The following LARGE1 variants were observed in gnomAD, a reference collection of about 807,000 sequenced individuals.
LARGE1 encodes the protein xylosyl- and glucuronyltransferase LARGE1.
Under a neutral mutation model 87.6 loss-of-function variants are expected in LARGE1, and 43 were observed. The ratio of observed to expected loss-of-function variants is 0.49; its 90% CI spans 0.38 to 0.63. LARGE1 has a LOEUF of 0.63. Ranked by LOEUF, LARGE1 falls within the 30% of genes least tolerant of loss-of-function variation. The probability of loss-of-function intolerance (pLI) is 0.00; values close to 1 mark genes in which losing one functional copy is unlikely to be tolerated. For missense variants in LARGE1, 802 were observed against 1,000.2 expected, an observed-to-expected ratio of 0.80 and a Z score of 2.67; for synonymous variants, 434 against 394.6, an observed-to-expected ratio of 1.10 and a Z score of -1.18.
At chr22:33,813,452 G>A (rs1328214592) in intron 1 of LARGE1, among the ~76,000 whole-genome samples, 2 of 151,986 alleles carry the variant, frequency 1.3e-5, no homozygotes, top group African/African-American at 4.8e-5. Flanking sequence ...TCTTGGTGGA[G>A]GACAGATGTG....
chr22:33,222,357 C>T lies in LARGE1; in HGVS notation c.1731-55525G>A, dbSNP rs1157730024. Reference sequence around the variant, plus strand: ...GGTCTGCACTGCTGAGAAAGAAGGGCCTTGGGGGAGAGCATTTATCCTCCA... The same window carrying T: ...GGTCTGCACTGCTGAGAAAGAAGGGTCTTGGGGGAGAGCATTTATCCTCCA... On this transcript the variant is annotated intron_variant, in intron 11 of 11. Coordinates refer to the LARGE1 transcript ENST00000608642. Among the ~76,000 whole-genome samples, 5 of 152,072 alleles carry T rather than the reference C, an allele frequency of 3.3e-5. No individual in the cohort carries two copies. In the East Asian group the frequency reaches 7.7e-4, roughly 23 times the overall value.
chr22:33,443,758 T>C (rs1267951728), intron 6 of LARGE1, among the ~76,000 whole-genome samples: 2 of 152,240 alleles, frequency 1.3e-5, no homozygotes, highest in Admixed American at 6.5e-5. Context: ...AATAATGATT[T>C]TTCTCTTCTT....
chr22:33,228,446 C>G (rs374458978), intron 11 of LARGE1, among the ~76,000 whole-genome samples: 6 of 152,180 alleles, frequency 3.9e-5, no homozygotes, highest in Admixed American at 1.3e-4. Context: ...TGGAAGCTAC[C>G]CTTAAGTGAA....
Position 33,789,058 on chromosome 22 carries a change from A to C in LARGE1, c.-82-27500T>G, listed in dbSNP as rs188689435. Reference sequence around the variant, plus strand: ...CAATGAGGAAAATGTCTCCAGGGCAAGTCAGAGGTCTTCACAGCAGCCCCT... The same window carrying C: ...CAATGAGGAAAATGTCTCCAGGGCACGTCAGAGGTCTTCACAGCAGCCCCT... On this transcript the variant is annotated intron_variant, in intron 1 of 14. Transcript: ENST00000397394. 3.0e-3 allele frequency among the ~76,000 whole-genome samples: 452 copies of C among 152,318 alleles called. 4 individuals carry two copies. Among genetic ancestry groups the C allele is most frequent in the African/African-American group, 0.01 (427 of 41,580 alleles).
intron 11 of LARGE1, among the ~76,000 whole-genome samples, chr22:33,252,133 T>C (rs1336115352): frequency 4.6e-5 from 7 of 152,164 alleles, no homozygotes; most frequent in Non-Finnish European, 8.8e-5. Flanking sequence ...ATATACTGCA[T>C]ACTCAACAAA....
Position 33,752,271 on chromosome 22 carries a change from G to C in LARGE1, c.106+9100C>G, listed in dbSNP as rs1168698154. ...CTTGGCTTTGCTTGGTAATACTTTG[G>C]GTAAGTTTTCCAAAGTAGTTATATA... On this transcript the variant is annotated intron_variant, in intron 2 of 14. Transcript: ENST00000397394. Among the ~76,000 whole-genome samples the C allele has an allele frequency of 2.0e-5, 3 of 151,712 alleles. No individual in the cohort carries two copies. The East Asian group carries it at 5.8e-4, about 29-fold the overall frequency.
chr22:33,729,695 G>A (rs573746612), intron 2 of LARGE1, among the ~76,000 whole-genome samples: 8 of 152,330 alleles, frequency 5.3e-5, no homozygotes, highest in African/African-American at 1.7e-4. Flanking sequence ...GCGCTATCAA[G>A]GACAATGAAG....
At chr22:33,268,968 GCATACAGACA>G, downstream of LARGE1, among the ~76,000 whole-genome samples, 1 of 152,046 alleles carries the variant, frequency 6.6e-6, no homozygotes, top group Admixed American at 6.5e-5. Flanking sequence ...AATTACATAT[GCATACAGACA>G]TATGCATAGC....
chr22:33,081,606 A>G, the LARGE1 span, among the ~76,000 whole-genome samples: 1 of 152,194 alleles, frequency 6.6e-6, no homozygotes, highest in Non-Finnish European at 1.5e-5. Context: ...ACTTTTTGAG[A>G]GATTAACCCT....
At chr22:33,331,734 A>G (rs1380331801) in intron 10 of LARGE1, among the ~76,000 whole-genome samples, 1 of 152,002 alleles carries the variant, frequency 6.6e-6, no homozygotes, top group East Asian at 1.9e-4. Context: ...TAGTTCTCAC[A>G]CTGACTTCAT....
chr22:33,679,033 C>T (rs2081665135), intron 2 of LARGE1, among the ~76,000 whole-genome samples: 1 of 152,160 alleles, frequency 6.6e-6, no homozygotes, highest in Non-Finnish European at 1.5e-5. Context: ...GCGGTGGGGA[C>T]CCCAGAATCG....
At chr22:33,318,019 G>A (rs966990853) in intron 10 of LARGE1, among the ~76,000 whole-genome samples, 5 of 151,814 alleles carry the variant, frequency 3.3e-5, no homozygotes, top group Non-Finnish European at 7.4e-5. Context: ...GGTGGATCAC[G>A]AGGTCAGGAG....
chr22:33,070,273 A>G, the LARGE1 span, among the ~76,000 whole-genome samples: 1 of 152,230 alleles, frequency 6.6e-6, no homozygotes, highest in African/African-American at 2.4e-5. Context: ...CATGTTCAGT[A>G]AATATTTGTT....
intron 5 of LARGE1, among the ~76,000 whole-genome samples, chr22:33,603,269 A>G (rs545505568): frequency 2.6e-4 from 40 of 152,202 alleles, no homozygotes; most frequent in Non-Finnish European, 5.0e-4. Context: ...GGAACAAGCA[A>G]TTTGCCAGAG....
At chr22:33,343,761 G>C (rs1939427695) in intron 9 of LARGE1, among the ~76,000 whole-genome samples, 1 of 152,190 alleles carries the variant, frequency 6.6e-6, no homozygotes. Flanking sequence ...GGGTCACTAA[G>C]TGAGTACATG....
intron 7 of LARGE1, among the ~76,000 whole-genome samples, chr22:33,384,506 C>T (rs950298760): frequency 1.3e-5 from 2 of 149,244 alleles, no homozygotes; most frequent in Non-Finnish European, 3.0e-5. Flanking sequence ...GTTTTGGAGA[C>T]GAATACACCT....
chr22:33,191,530 G>A (rs754111528), intron 11 of LARGE1, among the ~76,000 whole-genome samples: 2 of 97,974 alleles, frequency 2.0e-5, no homozygotes, highest in East Asian at 2.2e-4. Flanking sequence ...AAGGGGCTTC[G>A]TGGTGAGATC....
intron 1 of LARGE1, among the ~76,000 whole-genome samples, chr22:33,866,372 C>T (rs2064103908): frequency 6.6e-6 from 1 of 152,172 alleles, no homozygotes; most frequent in African/African-American, 2.4e-5. Context: ...ATTAAAAATT[C>T]AGTTCCTCAG....
the LARGE1 span, among the ~76,000 whole-genome samples, chr22:33,078,525 A>C: frequency 2.0e-5 from 3 of 152,268 alleles, no homozygotes; most frequent in Non-Finnish European, 4.4e-5. Context: ...AAATAAGTTA[A>C]CATGTCCATG....
Sources: gnomAD v4.1 joint callset for allele counts (sites outside exome capture counted in the v4.1 genomes callset) on GRCh38, gnomAD v4.1.1 for gene constraint, MANE v1.5 for transcripts, NCBI Gene and HGNC (gene_info 2026-07-23, HGNC 2026-07-21) for gene names.